Variants in MAPK10 observed in about 807,000 individuals in gnomAD.
MAPK10 encodes the protein mitogen-activated protein kinase 10, also known as JNK3 alpha protein kinase.
Under a neutral mutation model 59.3 loss-of-function variants are expected in MAPK10, and 25 were observed. The observed-to-expected ratio is 0.42, with a 90% CI of 0.31 to 0.59. The LOEUF is 0.59. Ranked by LOEUF, MAPK10 falls within the 20% of genes least tolerant of loss-of-function variation. The pLI, the probability that MAPK10 is intolerant of heterozygous loss-of-function variation, is 0.15. For missense variants in MAPK10, 351 were observed against 568.9 expected (o/e 0.62, Z 3.90); for synonymous variants, 190 against 200.5 (o/e 0.95, Z 0.44).
chr4:86,170,182 A>G (rs2149256869), intron 3 of MAPK10, among the ~76,000 whole-genome samples: 1 of 152,286 alleles, frequency 6.6e-6, no homozygotes, highest in African/African-American at 2.4e-5. Flanking sequence ...CTAACATCAT[A>G]ATGACAGGAT....
intron 4 of MAPK10, among the ~76,000 whole-genome samples, chr4:86,157,655 TA>T (rs1427120759): frequency 6.6e-6 from 1 of 151,968 alleles, no homozygotes; most frequent in Non-Finnish European, 1.5e-5. Context: ...AAAGGCAATA[TA>T]AAAAATTTTG....
In MAPK10 at chr4:86,354,559, A is replaced by T. The variant is rs938388164; in HGVS notation, c.-36T>A. 4 of 1,230,814 alleles carry T rather than the reference A, an allele frequency of 3.2e-6. No individual in the cohort carries two copies. The Admixed American group carries it at 1.7e-4, about 52-fold the overall frequency. The allele number at this position is 1,230,814 out of a possible 1,614,324, so 76.2% of individuals were successfully genotyped here. On this transcript the variant is annotated 5_prime_UTR_variant, in exon 2 of 14. Coordinates refer to ENST00000641462, the MANE Select transcript of MAPK10 (RefSeq NM_138982.4). ...GCTTGTATGGTTTCTCATCTATAGG[A>T]AACGGGTCTAATTCAACAGTTTCTT...
intron 2 of MAPK10, among the ~76,000 whole-genome samples, chr4:86,330,753 T>C (rs977799027): frequency 4.6e-5 from 7 of 152,208 alleles, no homozygotes; most frequent in Admixed American, 1.3e-4. Flanking sequence ...TGGGCAGTTC[T>C]TTATAGGACC....
chr4:86,068,667 C>T (rs1433683811), intron 9 of MAPK10, among the ~76,000 whole-genome samples: 1 of 152,104 alleles, frequency 6.6e-6, no homozygotes, highest in East Asian at 1.9e-4. Flanking sequence ...AGATTTCTAT[C>T]CAAGTACATC....
At chr4:86,217,346 T>C (rs2087994248) in intron 2 of MAPK10, among the ~76,000 whole-genome samples, 1 of 152,192 alleles carries the variant, frequency 6.6e-6, no homozygotes, top group Non-Finnish European at 1.5e-5. Context: ...TCCTTATAAT[T>C]TGTAAAATTA....
chr4:86,207,281 C>T (rs957038289), intron 2 of MAPK10, among the ~76,000 whole-genome samples: 1 of 151,544 alleles, frequency 6.6e-6, no homozygotes, highest in Admixed American at 6.6e-5. Flanking sequence ...CCAGTTTTTC[C>T]AGCACCATTT....
At chr4:86,320,176 G>A (rs769112967) in intron 2 of MAPK10, among the ~76,000 whole-genome samples, 20 of 152,152 alleles carry the variant, frequency 1.3e-4, no homozygotes, top group African/African-American at 4.3e-4. Context: ...TTTCACATCC[G>A]TAAAATGTAG....
intron 11 of MAPK10, among the ~76,000 whole-genome samples, chr4:86,052,684 A>G (rs184651055): frequency 1.9e-3 from 284 of 152,172 alleles, no homozygotes; most frequent in Non-Finnish European, 3.1e-3. Flanking sequence ...AAGTATGTAT[A>G]TACTCGGGTG....
intron 9 of MAPK10, among the ~76,000 whole-genome samples, chr4:86,075,643 A>G (rs1027133238): frequency 6.6e-6 from 1 of 150,536 alleles, no homozygotes; most frequent in Non-Finnish European, 1.5e-5. Flanking sequence ...GTCTGTTGGA[A>G]TACCCTGCTG....
At chr4:86,472,265 A>C (rs1292295756) in intron 1 of MAPK10, among the ~76,000 whole-genome samples, 1 of 152,242 alleles carries the variant, frequency 6.6e-6, no homozygotes. Context: ...ACTTTCCTAC[A>C]AAGTTTTTAA....
chr4:86,558,718 T>G (rs542013504), intron 1 of MAPK10, among the ~76,000 whole-genome samples: 4 of 152,264 alleles, frequency 2.6e-5, no homozygotes, highest in African/African-American at 9.6e-5. Context: ...GCTTTCTTCT[T>G]TGCTACAAAA....
chr4:86,402,343 T>C (rs1255630295), intron 1 of MAPK10, among the ~76,000 whole-genome samples: 3 of 152,204 alleles, frequency 2.0e-5, no homozygotes, highest in Non-Finnish European at 4.4e-5. Context: ...ATATCATTTA[T>C]CACCACGGGC....
At chr4:86,546,254 T>C (rs1759147322) in intron 1 of MAPK10, among the ~76,000 whole-genome samples, 1 of 140,910 alleles carries the variant, frequency 7.1e-6, no homozygotes. Context: ...TTACTAAGAA[T>C]TTCAAGATGG....
intron 2 of MAPK10, among the ~76,000 whole-genome samples, chr4:86,227,439 A>G (rs1258801970): frequency 6.7e-6 from 1 of 149,804 alleles, no homozygotes; most frequent in Non-Finnish European, 1.5e-5. Context: ...GTGAGCTGAG[A>G]TGGCGCAACT....
intron 9 of MAPK10, among the ~76,000 whole-genome samples, chr4:86,085,781 A>C (rs1478980189): frequency 6.6e-6 from 1 of 152,232 alleles, no homozygotes; most frequent in African/African-American, 2.4e-5. Flanking sequence ...TATCGAAGAG[A>C]TATCTGCACT....
chr4:86,038,860 A>G (rs2040899855), intron 11 of MAPK10, among the ~76,000 whole-genome samples: 1 of 152,206 alleles, frequency 6.6e-6, no homozygotes, highest in Non-Finnish European at 1.5e-5. Context: ...AGAATTGATT[A>G]GATATAATTA....
intron 2 of MAPK10, among the ~76,000 whole-genome samples, chr4:86,348,885 G>A (rs1339806643): frequency 6.6e-6 from 1 of 151,906 alleles, no homozygotes; most frequent in African/African-American, 2.4e-5. Flanking sequence ...TCTTCTCCGG[G>A]CAAAACACTA....
At chr4:86,207,785 A>G (rs1306406892) in intron 2 of MAPK10, among the ~76,000 whole-genome samples, 1 of 151,984 alleles carries the variant, frequency 6.6e-6, no homozygotes, top group Admixed American at 6.6e-5. Context: ...TTGGATTCCT[A>G]GGTCTTTTAT....
rs191700655 is a variant in MAPK10, at chr4:86,440,584, C to T, written c.-122+12446G>A. ...GGTTGAGGCTGTAGTGAGCTGATCA[C>T]ACCACTGCACTCAAGCCTGGGTGAC... is the stretch of plus-strand genomic sequence containing the variant. On this transcript the variant is annotated intron_variant, in intron 1 of 13. Transcript: ENST00000361569. Among the ~76,000 whole-genome samples, 52 of 149,902 alleles carry T rather than the reference C, an allele frequency of 3.5e-4. 1 individual carries two copies. The highest frequency in any genetic ancestry group is 1.2e-3 in the African/African-American group (49 of 40,686).
Sources: allele counts gnomAD v4.1 joint callset (sites outside exome capture counted in the v4.1 genomes callset), GRCh38; gene constraint gnomAD v4.1.1; transcripts MANE v1.5; gene names NCBI Gene and HGNC (gene_info 2026-07-23, HGNC 2026-07-21).